Variants in PIP5K1C observed in about 807,000 individuals in gnomAD.
The protein encoded by PIP5K1C is phosphatidylinositol 4-phosphate 5-kinase type-1 gamma.
PIP5K1C carries 45 observed loss-of-function variants against 80.1 expected under a neutral mutation model. That is an observed-to-expected ratio of 0.56 (90% confidence interval 0.44 to 0.72). The LOEUF (loss-of-function observed/expected upper bound fraction) is 0.72. PIP5K1C is among the 30% of genes least tolerant of loss of function. The pLI is 0.00. For missense variants in PIP5K1C, 753 were observed against 954.6 expected, an observed-to-expected ratio of 0.79 and a Z score of 2.78; for synonymous variants, 498 against 420.1, an observed-to-expected ratio of 1.19 and a Z score of -2.27.
intron 11 of PIP5K1C, 47 bp downstream of exon 11, chr19:3,645,927 G>A: frequency 6.8e-7 from 1 of 1,478,690 alleles, no homozygotes; most frequent in South Asian, 1.1e-5. Flanking sequence ...CGGCGCTCTG[G>A]GCCTTCCCCA....
At position 3,679,928 on chromosome 19, in the gene PIP5K1C, G is replaced by A. The variant is rs544269935; in HGVS notation, c.95-12575C>T. On this transcript the variant is annotated intron_variant, in intron 1 of 17. Coordinates refer to ENST00000335312, the MANE Select transcript of PIP5K1C (RefSeq NM_012398.3). ...GCTCAAGAAACTTTCTGCAGCAAAC[G>A]AAGAGGCAGATGCTGTGGGAGACAC... Among the ~76,000 whole-genome samples, 5 of 152,354 alleles carry A rather than the reference G, an allele frequency of 3.3e-5. No individual in the cohort carries two copies. In the South Asian group the frequency reaches 8.3e-4, roughly 25 times the overall value.
chr19:3,677,792 TGCAG>T (rs2035414635), intron 1 of PIP5K1C, among the ~76,000 whole-genome samples: 2 of 16,366 alleles, frequency 1.2e-4, no homozygotes, highest in Admixed American at 5.9e-4. Context: ...GAGGGAGGGA[TGCAG>T]GGAGGGAGGG....
intron 3 of PIP5K1C, 112 bp downstream of exon 3, chr19:3,664,710 G>T: frequency 1.1e-6 from 1 of 924,934 alleles, no homozygotes. Flanking sequence ...CTGTCCCTGG[G>T]CAGACCCTGG....
At chr19:3,684,495 T>C (rs1017501599) in intron 1 of PIP5K1C, among the ~76,000 whole-genome samples, 3 of 152,128 alleles carry the variant, frequency 2.0e-5, no homozygotes, top group African/African-American at 7.2e-5. Context: ...ATCCCTCCAG[T>C]ACGATGCTGG....
intron 11 of PIP5K1C, among the ~76,000 whole-genome samples, chr19:3,645,468 G>C (rs1179122148): frequency 6.6e-6 from 1 of 152,214 alleles, no homozygotes; most frequent in Non-Finnish European, 1.5e-5. Flanking sequence ...GCACCCTGTG[G>C]GTGAATCCCG....
rs1186948294 is a variant in PIP5K1C at position 3,700,346 on chromosome 19, C to A, written c.45G>T (p.Gly15=). 3 of 1,296,314 alleles carry A rather than the reference C, an allele frequency of 2.3e-6. No individual in the cohort carries two copies. Among genetic ancestry groups the A allele is most frequent in the Non-Finnish European group, 3.0e-6 (3 of 1,005,656 alleles). 80.3% of individuals were successfully genotyped at this position (1,296,314 alleles called of 1,614,324 possible). ...CCCACGCCGCCTCCGAGGGCACGGC[C>A]CCCGCCTCAGCGCTCTCCGCCTCGT... ...VPDEAESAEA[G]AVPSEAAWAA... is the part of the protein sequence containing the mutation. The change falls in exon 1 of 18, where the codon GGG becomes GGT. Residue 15 remains glycine (G), a synonymous_variant. Coordinates refer to ENST00000335312, the MANE Select transcript of PIP5K1C (RefSeq NM_012398.3).
intron 1 of PIP5K1C, among the ~76,000 whole-genome samples, chr19:3,679,137 G>C (rs2035510675): frequency 6.6e-6 from 1 of 152,060 alleles, no homozygotes; most frequent in South Asian, 2.1e-4. Flanking sequence ...CTTTCCCCCA[G>C]GGGAAAGGTG....
intron 1 of PIP5K1C, among the ~76,000 whole-genome samples, chr19:3,698,468 A>T (rs2036194641): frequency 6.6e-6 from 1 of 152,216 alleles, no homozygotes; most frequent in Non-Finnish European, 1.5e-5. Flanking sequence ...GAGACTCCAG[A>T]TGACCAGAGA....
In PIP5K1C at chr19:3,648,720, G is replaced by C. The variant is rs777670374; in HGVS notation, c.1128-12C>G. 1.2e-6 allele frequency: 2 copies of C among 1,611,178 alleles called. No homozygotes were observed. Among genetic ancestry groups the C allele is most frequent in the Non-Finnish European group, 8.5e-7 (1 of 1,178,320 alleles). Reference sequence around the variant, plus strand: ...GGATCCCGCCCATCCTGGGGAGAGAGGCCGAGGGTACCATCAGCATCCCGC... The same window carrying C: ...GGATCCCGCCCATCCTGGGGAGAGACGCCGAGGGTACCATCAGCATCCCGC... On this transcript the variant is annotated splice_polypyrimidine_tract_variant and intron_variant, in intron 8 of 17. Coordinates refer to ENST00000335312, the MANE Select transcript of PIP5K1C (RefSeq NM_012398.3). This position sits in a 1 kb window ranked among gnomAD's most constrained non-coding sequence, Gnocchi z 4.3.
chr19:3,668,798 G>C (rs1004191863), intron 1 of PIP5K1C, among the ~76,000 whole-genome samples: 2 of 152,186 alleles, frequency 1.3e-5, no homozygotes, highest in Non-Finnish European at 2.9e-5. Context: ...CCCTGGGCTG[G>C]TCCTGTCTGA....
intron 10 of PIP5K1C, among the ~76,000 whole-genome samples, chr19:3,646,516 T>C (rs1027422722): frequency 6.6e-6 from 1 of 151,986 alleles, no homozygotes; most frequent in African/African-American, 2.4e-5. Context: ...CAGGCTGCAG[T>C]GGGAGGTGGT....
Position 3,688,529 on chromosome 19 carries a change from C to T in PIP5K1C, c.94+11768G>A, listed in dbSNP as rs2145600820. Reference sequence around the variant, plus strand: ...CACCCTCGCCCCCTGGTTTCAACTCCTGCTGTGAGCACCTGGCCTTTCCCT... The same window carrying T: ...CACCCTCGCCCCCTGGTTTCAACTCTTGCTGTGAGCACCTGGCCTTTCCCT... On this transcript the variant is annotated intron_variant, in intron 1 of 17. Transcript: ENST00000335312. The surrounding 1 kb of genome is among the most constrained non-coding windows in gnomAD (Gnocchi z 5.3). Among the ~76,000 whole-genome samples the T allele has an allele frequency of 6.6e-6, 1 of 152,268 alleles. No homozygotes were observed. The highest frequency in any genetic ancestry group is 1.9e-4 in the East Asian group (1 of 5,168).
At position 3,637,675 on chromosome 19, in the gene PIP5K1C, G is replaced by A. The variant is rs1475030407; in HGVS notation, c.1920+1209C>T. On this transcript the variant is annotated intron_variant, in intron 16 of 17. Coordinates refer to ENST00000335312, the MANE Select transcript of PIP5K1C (RefSeq NM_012398.3). This position sits in a 1 kb window ranked among gnomAD's most constrained non-coding sequence, Gnocchi z 7.0. ...GAAAACAGAGGACAGCGGATGAGGC[G>A]GCCACCCCCGTGGTCGGGTGGGAGA... 4 of 1,508,094 alleles carry A rather than the reference G, an allele frequency of 2.7e-6. No homozygotes were observed. Among genetic ancestry groups the A allele is most frequent in the East Asian group, 2.5e-5 (1 of 40,662 alleles). The allele number at this position is 1,508,094 out of a possible 1,614,324, so 93.4% of individuals were successfully genotyped here.
chr19:3,636,788 G>C (rs1392110843), intron 16 of PIP5K1C: 2 of 986,870 alleles, frequency 2.0e-6, no homozygotes, highest in East Asian at 1.1e-4. Context: ...TGTCTCGAGG[G>C]GACACTCCTG....
At chr19:3,636,151 C>T (rs1006170708) in intron 16 of PIP5K1C, among the ~76,000 whole-genome samples, 8 of 152,066 alleles carry the variant, frequency 5.3e-5, no homozygotes, top group South Asian at 2.1e-4. Context: ...AGCAAGACTC[C>T]GTCTCAAAAA....
chr19:3,643,164 C>G, intron 13 of PIP5K1C, 79 bp downstream of exon 13: 2 of 1,598,302 alleles, frequency 1.3e-6, no homozygotes, highest in Admixed American at 1.7e-5. Flanking sequence ...CAGCGGATGC[C>G]CCGCCCACAT....
chr19:3,695,881 G>A (rs534744700), intron 1 of PIP5K1C, among the ~76,000 whole-genome samples: 39 of 152,208 alleles, frequency 2.6e-4, no homozygotes, highest in Admixed American at 1.4e-3. Context: ...ATACCATTAC[G>A]TCTAGCTACT....
At chr19:3,634,873 A>G (rs2033613956) in intron 16 of PIP5K1C, among the ~76,000 whole-genome samples, 1 of 152,232 alleles carries the variant, frequency 6.6e-6, no homozygotes, top group Non-Finnish European at 1.5e-5. Flanking sequence ...CTGCCCTGCG[A>G]GGCCGCATCG....
At chr19:3,661,142 C>T (rs2034820819) in intron 4 of PIP5K1C, 59 bp from the exon 5 acceptor site, 3 of 1,148,226 alleles carry the variant, frequency 2.6e-6, no homozygotes, top group Non-Finnish European at 3.9e-6. Context: ...TCCCCCACCC[C>T]CGCCATGGTC....
Sources: allele counts gnomAD v4.1 joint callset (sites outside exome capture counted in the v4.1 genomes callset), GRCh38; gene constraint gnomAD v4.1.1; non-coding constraint Gnocchi (gnomAD v3.1); transcripts MANE v1.5; gene names NCBI Gene and HGNC (gene_info 2026-07-23, HGNC 2026-07-21).